ACSS3: variants seen among roughly 807,000 people sequenced by gnomAD.
The protein encoded by ACSS3 is acyl-CoA synthetase short chain family member 3, also known as acyl-CoA synthetase short-chain family member 3, mitochondrial.
A neutral mutation model predicts 84.2 loss-of-function variants in ACSS3; 64 were observed. That is an observed-to-expected ratio of 0.76 (90% confidence interval 0.62 to 0.94). The LOEUF is 0.94. ACSS3 is among the 40% of genes least tolerant of loss of function. The pLI, the probability that ACSS3 is intolerant of heterozygous loss-of-function variation, is 0.00. For synonymous variants in ACSS3, 317 were observed against 310.1 expected (o/e 1.02, Z -0.23); for missense variants, 815 against 867.6 (o/e 0.94, Z 0.76).
In ACSS3 at chr12:81,134,854, C is replaced by T; in HGVS notation, c.495C>T (p.Ile165=). ...KLAGVLVKHG[I]KKGDTVVIYM... ...CTGGTGTCTTGGTCAAGCATGGCAT[C>T]AAGAAAGGTGACACTGTGGTTATCT... The change falls in exon 3 of 16, where the codon ATC becomes ATT. Residue 165 remains isoleucine, a synonymous_variant. Coordinates refer to ENST00000548058, the MANE Select transcript of ACSS3 (RefSeq NM_024560.4). 1 of 1,584,580 alleles carries T rather than the reference C, an allele frequency of 6.3e-7. No homozygotes were observed. Among genetic ancestry groups the T allele is most frequent in the Non-Finnish European group, 8.6e-7 (1 of 1,162,862 alleles).
At chr12:81,230,767 TTA>T (rs1313188674) in intron 11 of ACSS3, among the ~76,000 whole-genome samples, 1 of 151,830 alleles carries the variant, frequency 6.6e-6, no homozygotes, top group Non-Finnish European at 1.5e-5. Flanking sequence ...TTTGCAGATA[TTA>T]TGTTTTTCAC....
At chr12:81,200,743 T>A (rs1047969004) in intron 9 of ACSS3, among the ~76,000 whole-genome samples, 1 of 151,570 alleles carries the variant, frequency 6.6e-6, no homozygotes, top group Non-Finnish European at 1.5e-5. Flanking sequence ...CTACTTAAAA[T>A]ACAAAAAATT....
chr12:81,101,850 T>G (rs1450998958), intron 1 of ACSS3, among the ~76,000 whole-genome samples: 1 of 152,076 alleles, frequency 6.6e-6, no homozygotes, highest in Non-Finnish European at 1.5e-5. Flanking sequence ...TTTTTTATAC[T>G]TACTGGTCAT....
At chr12:81,222,358 G>C (rs1219675499) in intron 11 of ACSS3, among the ~76,000 whole-genome samples, 6 of 151,946 alleles carry the variant, frequency 3.9e-5, no homozygotes, top group Non-Finnish European at 8.8e-5. Context: ...TTACCACCAA[G>C]ATTTCTCTCT....
At position 81,260,858 on chromosome 12, in the gene ACSS3, G is replaced by A. The variant is rs966306072; in HGVS notation, c.*5936G>A. 2.0e-5 allele frequency: 3 copies of A among 151,836 alleles called. No individual in the cohort carries two copies. The highest frequency in any genetic ancestry group is 2.1e-4 in the South Asian group (1 of 4,822). The allele number at this position is 151,836 out of a possible 1,614,324, so 9.4% of individuals were successfully genotyped here. Reference sequence around the variant, plus strand: ...TATTTTTCTAAAATATTGATTCATCGAAAGTGGTTAAATATTTTGGTAAAG... The same window carrying A: ...TATTTTTCTAAAATATTGATTCATCAAAAGTGGTTAAATATTTTGGTAAAG... On this transcript the variant is annotated 3_prime_UTR_variant, in exon 16 of 16. Transcript: ENST00000548058.
At position 81,259,310 on chromosome 12, in the gene ACSS3, TC is replaced by T. The variant is rs1310586421; in HGVS notation, c.*4390del. 1.4e-5 allele frequency: 6 copies of T among 422,438 alleles called. No homozygotes were observed. The highest frequency in any genetic ancestry group is 2.6e-5 in the Non-Finnish European group (6 of 227,372). 26.2% of individuals were successfully genotyped at this position (422,438 alleles called of 1,614,324 possible). A position where few individuals can be genotyped will look rare whatever the true frequency, so the allele number is the denominator to read the frequency against. On this transcript the variant is annotated 3_prime_UTR_variant, in exon 16 of 16. Transcript: ENST00000548058. ...TATTTTTTAAAAAATCATATTTATA[TC>T]CATTTACATAAGACTTACACATTTA...
At chr12:81,095,262 C>T (rs1226352497) in intron 1 of ACSS3, among the ~76,000 whole-genome samples, 1 of 151,990 alleles carries the variant, frequency 6.6e-6, no homozygotes, top group African/African-American at 2.4e-5. Context: ...TAAGAGAGTC[C>T]CTAAAGTGTT....
intron 7 of ACSS3, among the ~76,000 whole-genome samples, chr12:81,172,031 C>T (rs577261160): frequency 4.3e-4 from 66 of 152,062 alleles, no homozygotes; most frequent in Admixed American, 1.7e-3. Context: ...TTTGAGAGGC[C>T]GAAGGCAGGC....
intron 9 of ACSS3, among the ~76,000 whole-genome samples, chr12:81,216,075 G>A (rs2032901568): frequency 6.6e-6 from 1 of 151,808 alleles, no homozygotes; most frequent in African/African-American, 2.4e-5. Context: ...AGGTTCTCTA[G>A]GCAAGTGTAG....
At chr12:81,084,671 A>G (rs550826491) in intron 1 of ACSS3, among the ~76,000 whole-genome samples, 11 of 151,612 alleles carry the variant, frequency 7.3e-5, no homozygotes, top group East Asian at 3.9e-4. Flanking sequence ...AAAGTGGGAG[A>G]AAAAAAAACT....
chr12:81,198,360 A>T (rs2031937059), intron 8 of ACSS3, among the ~76,000 whole-genome samples: 1 of 152,224 alleles, frequency 6.6e-6, no homozygotes, highest in Admixed American at 6.5e-5. Flanking sequence ...AGACAGAAAC[A>T]GAATGTTATT....
intron 2 of ACSS3, among the ~76,000 whole-genome samples, chr12:81,117,004 G>A (rs1884098911): frequency 6.6e-6 from 1 of 152,058 alleles, no homozygotes; most frequent in Non-Finnish European, 1.5e-5. Context: ...TGCCATTTTA[G>A]AAATTGGAAA....
At chr12:81,183,928 T>C (rs1480174955) in intron 8 of ACSS3, among the ~76,000 whole-genome samples, 8 of 152,072 alleles carry the variant, frequency 5.3e-5, no homozygotes, top group African/African-American at 1.9e-4. Context: ...AATTGAACTT[T>C]TGACAAAATT....
At chr12:81,238,213 T>C (rs891929873) in intron 13 of ACSS3, among the ~76,000 whole-genome samples, 3 of 151,850 alleles carry the variant, frequency 2.0e-5, no homozygotes, top group African/African-American at 7.2e-5. Flanking sequence ...AAATTCCACC[T>C]GGTCATGGTA....
chr12:81,187,839 A>G (rs1026342869), intron 8 of ACSS3, among the ~76,000 whole-genome samples: 51 of 152,028 alleles, frequency 3.4e-4, no homozygotes, highest in African/African-American at 1.2e-3. Context: ...GGCTGATAGC[A>G]GAGAAATGGT....
intron 7 of ACSS3, among the ~76,000 whole-genome samples, chr12:81,163,195 T>C (rs1005737969): frequency 1.3e-5 from 2 of 152,236 alleles, no homozygotes; most frequent in African/African-American, 4.8e-5. Context: ...AATGGGATAG[T>C]GTAGTTGAAA....
chr12:81,205,614 G>T (rs979442983), intron 9 of ACSS3, among the ~76,000 whole-genome samples: 11 of 152,062 alleles, frequency 7.2e-5, no homozygotes, highest in African/African-American at 2.4e-4. Context: ...TTGAGGATTT[G>T]CTAGGTAAGG....
intron 10 of ACSS3, 74 bp downstream of exon 10, chr12:81,217,070 C>A: frequency 8.3e-7 from 1 of 1,201,266 alleles, no homozygotes; most frequent in Non-Finnish European, 1.2e-6. Context: ...TATTATGTTG[C>A]ATGAAACAAA....
rs1468573463 is a variant in ACSS3 at position 81,078,429 on chromosome 12, G to A, written c.309G>A (p.Arg103=). The change falls in exon 1 of 16, where the codon AGG becomes AGA. Residue 103 remains arginine (R), a splice_region_variant and synonymous_variant. Coordinates refer to ENST00000548058, the MANE Select transcript of ACSS3 (RefSeq NM_024560.4). The part of the protein sequence containing the change: ...TLENKHSPST[R]WFVEGMLNIC... ...AGAACAAACACTCGCCCTCTACCAG[G>A]TGGTGAGTGACTTCTGTGCCAACCC... is the stretch of plus-strand genomic sequence containing the variant. The A allele has an allele frequency of 4.3e-6, 7 of 1,612,194 alleles. No homozygotes were observed. The highest frequency in any genetic ancestry group is 5.9e-6 in the Non-Finnish European group (7 of 1,179,996).
Sources: gnomAD v4.1 joint callset for allele counts (sites outside exome capture counted in the v4.1 genomes callset) on GRCh38, gnomAD v4.1.1 for gene constraint, MANE v1.5 for transcripts, NCBI Gene and HGNC (gene_info 2026-07-23, HGNC 2026-07-21) for gene names.